Variants in TP73 observed in about 807,000 individuals in gnomAD.
TP73 encodes the protein p53-like transcription factor.
In TP73, 25 loss-of-function variants were observed where a neutral mutation model predicts 62.5. That is an observed-to-expected ratio of 0.40 (90% CI 0.29 to 0.56). TP73 has a LOEUF of 0.56. Ranked by LOEUF, TP73 falls within the 20% of genes least tolerant of loss-of-function variation. The pLI is 0.46. For missense variants in TP73, 754 were observed against 913.3 expected, an observed-to-expected ratio of 0.83 and a Z score of 2.25; for synonymous variants, 423 against 377.5, an observed-to-expected ratio of 1.12 and a Z score of -1.40.
rs1013067910 is a variant in TP73, at chr1:3,663,977, G to A, written c.-34+11336G>A. ...AATCAGTACCCTGGGGGTCGTGGCCGGCCCCCCTCCCTCCATGCCACAGGC... is the reference window on the plus strand; with the variant it reads ...AATCAGTACCCTGGGGGTCGTGGCCAGCCCCCCTCCCTCCATGCCACAGGC... On this transcript the variant is annotated intron_variant, in intron 1 of 13. Transcript: ENST00000378295. The surrounding 1 kb of genome is among the most constrained non-coding windows in gnomAD (Gnocchi z 4.7). 4.6e-5 allele frequency among the ~76,000 whole-genome samples: 7 copies of A among 152,290 alleles called. No individual in the cohort carries two copies. The highest frequency in any genetic ancestry group is 4.1e-4 in the South Asian group (2 of 4,828).
At chr1:3,684,542 G>T (rs1475644863) in intron 3 of TP73, among the ~76,000 whole-genome samples, 1 of 152,198 alleles carries the variant, frequency 6.6e-6, no homozygotes, top group Non-Finnish European at 1.5e-5. Flanking sequence ...GGGGCTGTGG[G>T]GCTCCAGTCA....
intron 3 of TP73, among the ~76,000 whole-genome samples, chr1:3,704,032 A>C (rs1370956074): frequency 6.6e-6 from 1 of 151,918 alleles, no homozygotes; most frequent in Non-Finnish European, 1.5e-5. Context: ...CATGTCCCAC[A>C]CTCACTCCTG....
At chr1:3,669,810 T>C (rs1406564672) in intron 1 of TP73, among the ~76,000 whole-genome samples, 2 of 152,162 alleles carry the variant, frequency 1.3e-5, no homozygotes, top group East Asian at 3.8e-4. Flanking sequence ...CAGGGACCCA[T>C]CAAACTGGGG....
chr1:3,689,532 T>C (rs979442663), intron 3 of TP73, among the ~76,000 whole-genome samples: 1 of 151,834 alleles, frequency 6.6e-6, no homozygotes, highest in African/African-American at 2.4e-5. Context: ...TCCCCAGGGC[T>C]CCTCAGGCAG....
At position 3,735,625 on chromosome 1, in the gene TP73, T is replaced by C. The variant is rs759620292; in HGVS notation, c.*2546T>C. On this transcript the variant is annotated 3_prime_UTR_variant, in exon 14 of 14. Transcript: ENST00000378295. ...AGGAACAAGAATCCTTTAAGTGATA[T>C]GTTTTTATAAAACTAAACAAATCAA... 2 of 152,238 alleles carry C rather than the reference T, an allele frequency of 1.3e-5. No individual in the cohort carries two copies. Among genetic ancestry groups the C allele is most frequent in the African/African-American group, 2.4e-5 (1 of 41,448 alleles). 9.4% of individuals were successfully genotyped at this position (152,238 alleles called of 1,614,324 possible).
At chr1:3,664,757 G>A (rs1016032352) in intron 1 of TP73, among the ~76,000 whole-genome samples, 4 of 152,092 alleles carry the variant, frequency 2.6e-5, no homozygotes, top group East Asian at 1.9e-4. Context: ...GGGAGGCCTC[G>A]GCTGGGCCTC....
At chr1:3,680,311 G>A (rs191474973) in intron 1 of TP73, among the ~76,000 whole-genome samples, 25 of 152,278 alleles carry the variant, frequency 1.6e-4, no homozygotes, top group East Asian at 7.7e-4. Context: ...GCTGATGGGC[G>A]TCTGGGCTAT....
chr1:3,724,537 C>A (rs537345293), intron 6 of TP73, among the ~76,000 whole-genome samples: 2 of 152,236 alleles, frequency 1.3e-5, no homozygotes, highest in Non-Finnish European at 2.9e-5. Context: ...CCCTGAAACC[C>A]ATGTCCCACC....
chr1:3,692,504 A>G (rs1363699932), intron 3 of TP73, among the ~76,000 whole-genome samples: 1 of 152,206 alleles, frequency 6.6e-6, no homozygotes, highest in Non-Finnish European at 1.5e-5. Flanking sequence ...CCACTTGTGC[A>G]TTGATACATG....
intron 4 of TP73, among the ~76,000 whole-genome samples, chr1:3,711,330 C>G (rs1361169988): frequency 1.3e-5 from 2 of 152,246 alleles, no homozygotes; most frequent in Non-Finnish European, 2.9e-5. Flanking sequence ...GAGCTCTCTG[C>G]AGGGCATGCA....
In TP73 at chr1:3,732,731, C is replaced by T. The variant is rs745486154; in HGVS notation, c.1579-16C>T. 1.9e-5 allele frequency: 29 copies of T among 1,551,158 alleles called. No homozygotes were observed. Among genetic ancestry groups the T allele is most frequent in the Admixed American group, 5.5e-5 (3 of 54,502 alleles). On this transcript the variant is annotated splice_polypyrimidine_tract_variant and intron_variant, in intron 13 of 13. Coordinates refer to ENST00000378295, the MANE Select transcript of TP73 (RefSeq NM_005427.4). ...GCTCCACTGCCCCCTGCCCCTAATG[C>T]GCCGGCCTCTCGCAGGACCTGGGGG...
chr1:3,691,713 G>A (rs1297490255), intron 3 of TP73, among the ~76,000 whole-genome samples: 4 of 152,196 alleles, frequency 2.6e-5, no homozygotes, highest in African/African-American at 4.8e-5. Context: ...GCTCCACGTG[G>A]GGCCGTTCCT....
At position 3,729,419 on chromosome 1, in the gene TP73, T is replaced by C; in HGVS notation, c.1167T>C (p.Tyr389=). ...TGCCGCAGCCACTGGTGGACTCCTATCGGCAGCAGCAGCAGCTCCTACAGA... is the reference window on the plus strand; with the variant it reads ...TGCCGCAGCCACTGGTGGACTCCTACCGGCAGCAGCAGCAGCTCCTACAGA... The part of the protein sequence containing the change: ...ELVPQPLVDS[Y]RQQQQLLQRP... Residue 389 remains tyrosine, a synonymous_variant, in exon 10 of 14, where the codon TAT becomes TAC. Transcript: ENST00000378295. 1 of 1,612,844 alleles carries C rather than the reference T, an allele frequency of 6.2e-7. No homozygotes were observed. Among genetic ancestry groups the C allele is most frequent in the Non-Finnish European group, 8.5e-7 (1 of 1,179,974 alleles).
At chr1:3,702,844 C>T (rs1168641088) in intron 3 of TP73, among the ~76,000 whole-genome samples, 2 of 152,222 alleles carry the variant, frequency 1.3e-5, no homozygotes, top group Admixed American at 6.5e-5. Flanking sequence ...CAAAAAAGTC[C>T]TGGTTGTGCC....
At chr1:3,653,317 C>G (rs930703150) in intron 1 of TP73, among the ~76,000 whole-genome samples, 6 of 152,224 alleles carry the variant, frequency 3.9e-5, no homozygotes, top group African/African-American at 1.4e-4. Context: ...CCGGGCCGGC[C>G]TGGAGGGAGA....
intron 11 of TP73, among the ~76,000 whole-genome samples, chr1:3,730,713 G>A (rs554793991): frequency 1.5e-4 from 23 of 152,268 alleles, no homozygotes; most frequent in Admixed American, 8.5e-4. Context: ...CCGTACGCAC[G>A]GTCACCCCCG....
intron 4 of TP73, among the ~76,000 whole-genome samples, chr1:3,711,777 C>T (rs3819963): frequency 0.13 from 20,358 of 152,178 alleles, 1,564 homozygotes; most frequent in Middle Eastern, 0.18. Flanking sequence ...AAAGATGGCC[C>T]GGACACAGCC....
At position 3,728,151 on chromosome 1, in the gene TP73, C is replaced by T. The variant is rs12046074; in HGVS notation, c.1008C>T (p.Ala336=). The change falls in exon 9 of 14, where the codon GCC becomes GCT. Residue 336 remains alanine (A), a synonymous_variant. Transcript: ENST00000378295. ...SKRAFKQSPP[A]VPALGAGVKK... Reference sequence around the variant, plus strand: ...CAGCCTTCAAGCAGAGCCCCCCTGCCGTCCCCGCCCTTGGTGCCGGTGTGA... The same window carrying T: ...CAGCCTTCAAGCAGAGCCCCCCTGCTGTCCCCGCCCTTGGTGCCGGTGTGA... 0.043 allele frequency: 68,801 copies of T among 1,611,290 alleles called. 2,317 individuals are homozygous for T. Among genetic ancestry groups the T allele is most frequent in the East Asian group, 0.17 (7,799 of 44,838 alleles).
At chr1:3,668,515 C>CGTGTGTGTGTGTGTGTGTGTGTGT (rs70940305) in intron 1 of TP73, 1 of 148,722 alleles carries the variant, frequency 6.7e-6, no homozygotes, top group Non-Finnish European at 1.5e-5. Context: ...ACTTGCTGCA[C>CGTGTGTGTGTGTGTGTGTGTGTGT]GTGTGTGTGT....
Sources: gnomAD v4.1 joint callset for allele counts (sites outside exome capture counted in the v4.1 genomes callset) on GRCh38, gnomAD v4.1.1 for gene constraint, Gnocchi (gnomAD v3.1) non-coding constraint, MANE v1.5 for transcripts, NCBI Gene and HGNC (gene_info 2026-07-23, HGNC 2026-07-21) for gene names.